CDH4: variants seen among roughly 807,000 people sequenced by gnomAD.
The protein encoded by CDH4 is cadherin 4.
CDH4 carries 33 observed loss-of-function variants against 86.0 expected under a neutral mutation model. The observed-to-expected ratio is 0.38, with a 90% CI of 0.29 to 0.51. CDH4 has a LOEUF of 0.51. CDH4 is among the 20% of genes least tolerant of loss of function. The probability of loss-of-function intolerance (pLI) is 0.86; values close to 1 mark genes in which losing one functional copy is unlikely to be tolerated. For missense variants in CDH4, 1,114 were observed against 1,307.4 expected, an observed-to-expected ratio of 0.85 and a Z score of 2.28; for synonymous variants, 555 against 549.4, an observed-to-expected ratio of 1.01 and a Z score of -0.14.
rs1218105180 is a variant in CDH4, at chr20:61,501,343, G to A, written c.170-242220G>A. Among the ~76,000 whole-genome samples the A allele has an allele frequency of 1.3e-5, 2 of 152,216 alleles. No individual in the cohort carries two copies. The highest frequency in any genetic ancestry group is 2.1e-4 in the South Asian group (1 of 4,834). ...CGTGCAGAACAGCGGTTAGAGACGGGTGGAAAGAGAGAGCATTGGGGTGAC... is the reference window on the plus strand; with the variant it reads ...CGTGCAGAACAGCGGTTAGAGACGGATGGAAAGAGAGAGCATTGGGGTGAC... On this transcript the variant is annotated intron_variant, in intron 2 of 15. Coordinates refer to ENST00000614565, the MANE Select transcript of CDH4 (RefSeq NM_001794.5). The surrounding 1 kb of genome is among the most constrained non-coding windows in gnomAD (Gnocchi z 4.2).
chr20:61,526,971 C>T (rs945453737), intron 2 of CDH4, among the ~76,000 whole-genome samples: 5 of 152,232 alleles, frequency 3.3e-5, no homozygotes, highest in African/African-American at 9.6e-5. Context: ...AGCGTTCTAC[C>T]GCCAAGGCAG....
At chr20:61,721,630 G>A (rs1326565867) in intron 2 of CDH4, among the ~76,000 whole-genome samples, 3 of 152,148 alleles carry the variant, frequency 2.0e-5, no homozygotes, top group South Asian at 2.1e-4. Flanking sequence ...CAGGAGAAAC[G>A]CTTCATTTGC....
rs564751524 is a variant in CDH4 at position 61,301,095 on chromosome 20, G to C, written c.169+46158G>C. ...GGCTGCGCCCAACTCCCCATTTGCA[G>C]TGTCTCTGTGAAGGTGCCAAAGCCC... On this transcript the variant is annotated intron_variant, in intron 2 of 15. Transcript: ENST00000614565. 5.9e-5 allele frequency among the ~76,000 whole-genome samples: 9 copies of C among 152,386 alleles called. No homozygotes were observed. In the South Asian group the frequency reaches 1.7e-3, roughly 28 times the overall value.
intron 15 of CDH4, among the ~76,000 whole-genome samples, chr20:61,936,300 A>G (rs1211208379): frequency 2.1e-4 from 7 of 32,810 alleles, no homozygotes; most frequent in African/African-American, 9.2e-4. Context: ...CCCTTCCCCT[A>G]TAAACCCTCA....
At chr20:61,327,288 C>G (rs2084541928) in intron 2 of CDH4, among the ~76,000 whole-genome samples, 1 of 152,066 alleles carries the variant, frequency 6.6e-6, no homozygotes, top group Non-Finnish European at 1.5e-5. Context: ...GAAACCTGAG[C>G]AAAACTTTTT....
intron 2 of CDH4, among the ~76,000 whole-genome samples, chr20:61,262,679 T>G (rs540785656): frequency 3.7e-4 from 57 of 152,322 alleles, no homozygotes; most frequent in African/African-American, 1.2e-3. Context: ...TTTCAAAATG[T>G]GGAAATTTTG....
chr20:61,789,322 AT>A (rs1297520997), intron 4 of CDH4, among the ~76,000 whole-genome samples: 1 of 152,134 alleles, frequency 6.6e-6, no homozygotes, highest in Non-Finnish European at 1.5e-5. Flanking sequence ...AGCTGATTTC[AT>A]TTTCCCAAAA....
In CDH4 at chr20:61,910,389, G is replaced by A. The variant is rs373098048; in HGVS notation, c.1189-33G>A. On this transcript the variant is annotated intron_variant, in intron 8 of 15. Coordinates refer to ENST00000614565, the MANE Select transcript of CDH4 (RefSeq NM_001794.5). ...CTCTGTGCATATTTACACTTAACAC[G>A]GGTTTGTGACATTCTTTCCTTCCAT... The A allele has an allele frequency of 4.4e-5, 70 of 1,598,248 alleles. No individual in the cohort carries two copies. The African/African-American group carries it at 8.8e-4, about 20-fold the overall frequency.
intron 2 of CDH4, among the ~76,000 whole-genome samples, chr20:61,611,499 G>A (rs567474573): frequency 1.5e-4 from 23 of 152,092 alleles, no homozygotes; most frequent in Middle Eastern, 3.4e-3. Flanking sequence ...CCCAGCCTGC[G>A]GGATGTGGGC....
chr20:61,858,223 CTGTGTCTG>C (rs1212698739), intron 6 of CDH4, among the ~76,000 whole-genome samples: 9 of 140,952 alleles, frequency 6.4e-5, no homozygotes, highest in Non-Finnish European at 1.1e-4. Flanking sequence ...GTCTGTGTCT[CTGTGTCTG>C]TGTGTCTGTG....
intron 2 of CDH4, among the ~76,000 whole-genome samples, chr20:61,449,378 G>T (rs1197969810): frequency 6.6e-6 from 1 of 152,198 alleles, no homozygotes; most frequent in Non-Finnish European, 1.5e-5. Flanking sequence ...CAAGCTCTGT[G>T]CAAAGGCTAG....
intron 2 of CDH4, among the ~76,000 whole-genome samples, chr20:61,413,128 G>GC (rs1314781550): frequency 1.3e-5 from 2 of 151,906 alleles, no homozygotes; most frequent in Non-Finnish European, 1.5e-5. Context: ...GGCACCCAAG[G>GC]CCCCCCTTCC....
intron 2 of CDH4, among the ~76,000 whole-genome samples, chr20:61,373,620 C>G (rs933445872): frequency 6.6e-6 from 1 of 152,116 alleles, no homozygotes; most frequent in African/African-American, 2.4e-5. Context: ...GGGATTAGAA[C>G]CTGGGGAATA....
At chr20:61,344,264 G>A (rs541321890) in intron 2 of CDH4, among the ~76,000 whole-genome samples, 2 of 152,284 alleles carry the variant, frequency 1.3e-5, no homozygotes, top group South Asian at 2.1e-4. Context: ...GGGTTCAGCT[G>A]TAAGGCTTTG....
chr20:61,908,008 G>T (rs1237101080), intron 8 of CDH4, among the ~76,000 whole-genome samples: 1 of 152,202 alleles, frequency 6.6e-6, no homozygotes, highest in Non-Finnish European at 1.5e-5. Context: ...GGACCTAAAC[G>T]TGACAGGCAG....
chr20:61,743,526 C>G, intron 2 of CDH4, 37 bp from the exon 3 acceptor site: 1 of 1,523,626 alleles, frequency 6.6e-7, no homozygotes, highest in Non-Finnish European at 8.9e-7. Context: ...CTTCTGCTGG[C>G]CAAGCCGACC....
intron 2 of CDH4, among the ~76,000 whole-genome samples, chr20:61,468,759 G>A (rs1362249474): frequency 6.6e-6 from 1 of 152,038 alleles, no homozygotes; most frequent in Non-Finnish European, 1.5e-5. Flanking sequence ...ATCTCCATGA[G>A]TTGAATTGTT....
intron 2 of CDH4, among the ~76,000 whole-genome samples, chr20:61,586,862 T>C (rs986014798): frequency 3.9e-5 from 6 of 152,188 alleles, no homozygotes; most frequent in Admixed American, 3.9e-4. Flanking sequence ...AATAATCCAC[T>C]GAGGCACATT....
intron 2 of CDH4, among the ~76,000 whole-genome samples, chr20:61,410,944 C>T (rs774869619): frequency 2.4e-4 from 36 of 151,558 alleles, no homozygotes; most frequent in Admixed American, 7.2e-4. Context: ...TGTCCATCAT[C>T]CACCCACACA....
Sources: allele counts gnomAD v4.1 joint callset (sites outside exome capture counted in the v4.1 genomes callset), GRCh38; gene constraint gnomAD v4.1.1; non-coding constraint Gnocchi (gnomAD v3.1); transcripts MANE v1.5; gene names NCBI Gene and HGNC (gene_info 2026-07-23, HGNC 2026-07-21).